Variants in SNTB1 observed in about 807,000 individuals in gnomAD.
SNTB1 encodes the protein beta-1-syntrophin.
SNTB1 carries 36 observed loss-of-function variants against 48.9 expected under a neutral mutation model. The observed-to-expected ratio is 0.74, with a 90% confidence interval of 0.56 to 0.97. SNTB1 has a LOEUF of 0.97. Among genes scored for constraint, SNTB1 ranks in the 50% least tolerant of loss-of-function variants. The probability of loss-of-function intolerance (pLI) is 0.00; values close to 1 mark genes in which losing one functional copy is unlikely to be tolerated. For missense variants in SNTB1, 786 were observed against 703.4 expected (o/e 1.12, Z -1.33); for synonymous variants, 299 against 294.6 (o/e 1.01, Z -0.15).
chr8:120,797,396 A>G lies in SNTB1; in HGVS notation c.571+13877T>C, dbSNP rs115875118. ...AGAAGTAAGGATCGGGACAGCACAT[A>G]TGACTTTGTTATTCAGGGGTTGATA... On this transcript the variant is annotated intron_variant, in intron 1 of 6. Coordinates refer to ENST00000517992, the MANE Select transcript of SNTB1 (RefSeq NM_021021.4). Among the ~76,000 whole-genome samples the G allele has an allele frequency of 8.0e-3, 1,222 of 152,138 alleles. 13 individuals are homozygous for G. The highest frequency in any genetic ancestry group is 0.027 in the African/African-American group (1,142 of 41,528).
Position 120,811,799 on chromosome 8 carries a change from C to T in SNTB1, c.45G>A (p.Ala15=), listed in dbSNP as rs753548208. 17 of 1,411,516 alleles carry T rather than the reference C, an allele frequency of 1.2e-5. No individual in the cohort carries two copies. The East Asian group carries it at 4.7e-4, about 39-fold the overall frequency. 87.4% of individuals were successfully genotyped at this position (1,411,516 alleles called of 1,614,324 possible). ...CGCTCCGCTGCGCCCGGCCGCCTCC[C>T]GCGCCAGCCGGCCCAGCCGCCGCCG... is the stretch of plus-strand genomic sequence containing the variant. ...AAAAAAGPAG[A]GGGRAQRSGL... The change falls in exon 1 of 7, where the codon GCG becomes GCA. Residue 15 remains alanine (A), a synonymous_variant. Coordinates refer to ENST00000517992, the MANE Select transcript of SNTB1 (RefSeq NM_021021.4).
In SNTB1 at chr8:120,718,562, G is replaced by A. The variant is rs116957263; in HGVS notation, c.572-24654C>T. On this transcript the variant is annotated intron_variant, in intron 1 of 6. Coordinates refer to ENST00000517992, the MANE Select transcript of SNTB1 (RefSeq NM_021021.4). The stretch of plus-strand genomic sequence containing the variant: ...AACATATTTAGACCTATAGTATATG[G>A]ACCTCCATTCATACTCATGTTTTGG... Among the ~76,000 whole-genome samples, 684 of 152,250 alleles carry A rather than the reference G, an allele frequency of 4.5e-3. 5 individuals are homozygous for A. Among genetic ancestry groups the A allele is most frequent in the Admixed American group, 7.3e-3 (112 of 15,302 alleles).
intron 1 of SNTB1, among the ~76,000 whole-genome samples, chr8:120,700,833 C>CCAGACTGG (rs1818298084): frequency 6.6e-6 from 1 of 152,186 alleles, no homozygotes; most frequent in Non-Finnish European, 1.5e-5. Context: ...AACTCTCCTA[C>CCAGACTGG]CAGACTGGTT....
chr8:120,590,885 C>T (rs548426750), intron 3 of SNTB1, among the ~76,000 whole-genome samples: 3 of 151,964 alleles, frequency 2.0e-5, no homozygotes, highest in Admixed American at 2.0e-4. Flanking sequence ...CGGGGTTTCA[C>T]CATGTTGGCC....
intron 3 of SNTB1, among the ~76,000 whole-genome samples, chr8:120,579,020 T>C: frequency 6.6e-6 from 1 of 151,878 alleles, no homozygotes; most frequent in South Asian, 2.1e-4. Context: ...CTACTAAAAA[T>C]ACAAAAATTA....
intron 1 of SNTB1, among the ~76,000 whole-genome samples, chr8:120,786,099 T>C (rs6993049): frequency 0.068 from 10,290 of 152,246 alleles, 505 homozygotes; most frequent in African/African-American, 0.14. Flanking sequence ...GCTGGGAGAC[T>C]AGAGGACAGG....
chr8:120,740,476 G>A (rs1587127293), intron 1 of SNTB1, among the ~76,000 whole-genome samples: 1 of 152,214 alleles, frequency 6.6e-6, no homozygotes, highest in East Asian at 1.9e-4. Flanking sequence ...GAAAGAGGAT[G>A]CCAGAAGAAA....
chr8:120,578,833 AAATTC>A (rs1161128240), intron 3 of SNTB1, among the ~76,000 whole-genome samples: 4 of 152,326 alleles, frequency 2.6e-5, no homozygotes, highest in Admixed American at 2.6e-4. Flanking sequence ...CAAACTCTTT[AAATTC>A]AATGATCTCT....
intron 3 of SNTB1, among the ~76,000 whole-genome samples, chr8:120,594,531 C>G (rs976584545): frequency 1.3e-5 from 2 of 151,964 alleles, no homozygotes; most frequent in African/African-American, 2.4e-5. Flanking sequence ...AGCCACCGCA[C>G]TCAACCACTA....
chr8:120,596,957 C>T (rs1415101681), intron 3 of SNTB1, among the ~76,000 whole-genome samples: 2 of 152,176 alleles, frequency 1.3e-5, no homozygotes, highest in South Asian at 2.1e-4. Flanking sequence ...AGTGGTCCCC[C>T]CACAAATGAT....
intron 1 of SNTB1, among the ~76,000 whole-genome samples, chr8:120,735,346 T>C (rs1818925108): frequency 6.6e-6 from 1 of 152,112 alleles, no homozygotes; most frequent in Admixed American, 6.5e-5. Context: ...CAGCAAGGCA[T>C]GAAGGGAGCA....
At chr8:120,725,484 C>G (rs149461531) in intron 1 of SNTB1, among the ~76,000 whole-genome samples, 1 of 152,252 alleles carries the variant, frequency 6.6e-6, no homozygotes, top group East Asian at 1.9e-4. Flanking sequence ...AAAGGAAGCA[C>G]GAGGTTTTAA....
At chr8:120,759,051 A>T (rs888574687) in intron 1 of SNTB1, among the ~76,000 whole-genome samples, 1 of 152,142 alleles carries the variant, frequency 6.6e-6, no homozygotes, top group Non-Finnish European at 1.5e-5. Flanking sequence ...GATTACAGGC[A>T]TGAGCCACCT....
At chr8:120,799,623 C>A (rs1820182860) in intron 1 of SNTB1, among the ~76,000 whole-genome samples, 2 of 151,734 alleles carry the variant, frequency 1.3e-5, no homozygotes, top group African/African-American at 4.8e-5. Flanking sequence ...GGAGAAATAG[C>A]AACAAAAATC....
intron 1 of SNTB1, among the ~76,000 whole-genome samples, chr8:120,709,928 A>G (rs1192705375): frequency 6.6e-6 from 1 of 152,124 alleles, no homozygotes; most frequent in Non-Finnish European, 1.5e-5. Flanking sequence ...AAAAAAAGGT[A>G]TGCCATAAAT....
intron 2 of SNTB1, among the ~76,000 whole-genome samples, chr8:120,648,661 C>T (rs966968908): frequency 2.6e-5 from 4 of 151,566 alleles, no homozygotes; most frequent in South Asian, 2.1e-4. Context: ...TTGCTCTTCT[C>T]GAGGAGTATC....
intron 2 of SNTB1, among the ~76,000 whole-genome samples, chr8:120,650,245 C>T (rs1229162435): frequency 6.6e-6 from 1 of 152,140 alleles, no homozygotes; most frequent in Admixed American, 6.5e-5. Flanking sequence ...TAAGATGAGA[C>T]ATATGTTAGA....
chr8:120,657,810 G>A (rs1269503737), intron 2 of SNTB1, among the ~76,000 whole-genome samples: 1 of 152,194 alleles, frequency 6.6e-6, no homozygotes, highest in Non-Finnish European at 1.5e-5. Flanking sequence ...CAGGAGCCAT[G>A]TGAAGAGAAC....
intron 2 of SNTB1, among the ~76,000 whole-genome samples, chr8:120,645,989 G>T (rs12334998): frequency 6.7e-6 from 1 of 149,254 alleles, no homozygotes; most frequent in African/African-American, 2.5e-5. Flanking sequence ...GTATAAGAAT[G>T]CTTGTGATTT....
Sources: gnomAD v4.1 joint callset for allele counts (sites outside exome capture counted in the v4.1 genomes callset) on GRCh38, gnomAD v4.1.1 for gene constraint, MANE v1.5 for transcripts, NCBI Gene and HGNC (gene_info 2026-07-23, HGNC 2026-07-21) for gene names.